SAP130: variants seen among roughly 807,000 people sequenced by gnomAD.
SAP130 encodes Sin3A associated protein 130.
SAP130 carries 16 observed loss-of-function variants against 103.2 expected under a neutral mutation model. That is an observed-to-expected ratio of 0.16 (90% CI 0.10 to 0.24). The LOEUF (loss-of-function observed/expected upper bound fraction) is 0.24, where lower values mean the gene tolerates loss of function less well. Among genes scored for constraint, SAP130 ranks in the 10% least tolerant of loss-of-function variants. The probability of loss-of-function intolerance (pLI) is 1.00; values close to 1 mark genes in which losing one functional copy is unlikely to be tolerated. For missense variants in SAP130, 990 were observed against 1,359.7 expected, an observed-to-expected ratio of 0.73 and a Z score of 4.28; for synonymous variants, 477 against 497.0, an observed-to-expected ratio of 0.96 and a Z score of 0.53.
At position 127,941,716 on chromosome 2, in the gene SAP130, G is replaced by T; in HGVS notation, c.*290C>A. Reference sequence around the variant, plus strand: ...CCGGAAGGCTGAAAAACACCAGCCAGCCATCCTTGTCATTGCTTCCAACTG... The same window carrying T: ...CCGGAAGGCTGAAAAACACCAGCCATCCATCCTTGTCATTGCTTCCAACTG... On this transcript the variant is annotated 3_prime_UTR_variant, in exon 21 of 21. Transcript: ENST00000643581. The T allele has an allele frequency of 5.0e-6, 2 of 402,970 alleles. No homozygotes were observed. The allele number at this position is 402,970 out of a possible 1,614,324, so 25.0% of individuals were successfully genotyped here.
intron 14 of SAP130, among the ~76,000 whole-genome samples, chr2:127,981,531 C>T (rs1315975973): frequency 5.0e-5 from 5 of 99,510 alleles, no homozygotes; most frequent in South Asian, 4.1e-4. Context: ...GACTCAGTTC[C>T]CCCACCCCGA....
intron 15 of SAP130, among the ~76,000 whole-genome samples, chr2:127,958,976 C>T (rs1275233710): frequency 6.6e-6 from 1 of 152,116 alleles, no homozygotes; most frequent in Non-Finnish European, 1.5e-5. Flanking sequence ...AATGATTTCC[C>T]ATCTAAAATT....
intron 4 of SAP130, 117 bp from the exon 5 acceptor site, chr2:128,015,031 G>T: frequency 2.8e-6 from 2 of 716,826 alleles, no homozygotes; most frequent in South Asian, 1.7e-5. Context: ...AGTATCCCAA[G>T]AGAAAGGGCT....
At chr2:128,007,122 C>A (rs879934874) in intron 7 of SAP130, among the ~76,000 whole-genome samples, 1 of 152,200 alleles carries the variant, frequency 6.6e-6, no homozygotes, top group Non-Finnish European at 1.5e-5. Context: ...AAAGCCTACC[C>A]CTAGTTTTCA....
chr2:127,979,956 C>T (rs1050433036), intron 14 of SAP130, among the ~76,000 whole-genome samples: 5 of 151,604 alleles, frequency 3.3e-5, no homozygotes, highest in Non-Finnish European at 7.4e-5. Context: ...CAGCTCACTG[C>T]AATCTCCGCC....
intron 15 of SAP130, among the ~76,000 whole-genome samples, chr2:127,965,635 C>T (rs942582311): frequency 5.3e-5 from 8 of 151,772 alleles, no homozygotes; most frequent in African/African-American, 1.9e-4. Flanking sequence ...ACTAAAAATA[C>T]AAAAATTAGC....
chr2:127,966,786 C>A (rs1680691787), intron 15 of SAP130, among the ~76,000 whole-genome samples: 1 of 152,110 alleles, frequency 6.6e-6, no homozygotes, highest in Admixed American at 6.6e-5. Flanking sequence ...ATTTGTTTAC[C>A]TTTGCTTGAT....
rs1263892683 is a variant in SAP130 at position 128,000,019 on chromosome 2, T to C, written c.1108+37A>G. On this transcript the variant is annotated intron_variant, in intron 9 of 20. Coordinates refer to ENST00000643581, the MANE Select transcript of SAP130 (RefSeq NM_001330301.2). ...TTAACCCATCACTCTTGCCTCCTTT[T>C]TCCCCAGTAGAAGGAAGAGGAGGGT... is the stretch of plus-strand genomic sequence containing the variant. 2.5e-6 allele frequency: 4 copies of C among 1,596,698 alleles called. No homozygotes were observed. The East Asian group carries it at 6.7e-5, about 27-fold the overall frequency.
Position 127,950,004 on chromosome 2 carries a change from A to G in SAP130, c.2672-10T>C. 6.2e-7 allele frequency: 1 copy of G among 1,613,384 alleles called. No individual in the cohort carries two copies. The highest frequency in any genetic ancestry group is 1.7e-5 in the Admixed American group (1 of 59,946). ...CTCACACCTTCCTCATCTGTTAAAG[A>G]GAAGACATTAAACAACTTAGTAACA... is the stretch of plus-strand genomic sequence containing the variant. On this transcript the variant is annotated splice_polypyrimidine_tract_variant and intron_variant, in intron 17 of 20. Coordinates refer to ENST00000643581, the MANE Select transcript of SAP130 (RefSeq NM_001330301.2).
chr2:128,027,426 C>T (rs1685598301), intron 1 of SAP130: 1 of 1,121,572 alleles, frequency 8.9e-7, no homozygotes, highest in African/African-American at 1.6e-5. Flanking sequence ...GACTGCCAGC[C>T]AATCAGGCGC....
intron 15 of SAP130, among the ~76,000 whole-genome samples, chr2:127,965,515 C>T (rs930716877): frequency 6.6e-6 from 1 of 151,136 alleles, no homozygotes; most frequent in Non-Finnish European, 1.5e-5. Flanking sequence ...AGGGAGTGGG[C>T]ATGGTGGCTC....
chr2:128,006,536 A>C (rs1316293804), intron 7 of SAP130, among the ~76,000 whole-genome samples: 1 of 152,160 alleles, frequency 6.6e-6, no homozygotes, highest in East Asian at 1.9e-4. Flanking sequence ...GCACTTTGGG[A>C]GGCTGAGGCA....
At chr2:127,988,589 C>T (rs1239521807) in intron 13 of SAP130, among the ~76,000 whole-genome samples, 1 of 151,946 alleles carries the variant, frequency 6.6e-6, no homozygotes, top group Non-Finnish European at 1.5e-5. Context: ...ATGACTCATG[C>T]TTGTAATCCC....
chr2:127,989,749 A>G lies in SAP130; in HGVS notation c.1595T>C (p.Ile532Thr). ...MTVDASHARH[I>T]QGIQPAPIST... ...GATGGGTGCTGGCTGGATCCCTTGA[A>G]TATGTCGAGCATGCGATGCATCCAC... Residue 532 changes from isoleucine (I) to threonine (T), a missense_variant, in exon 13 of 21, where the codon ATT becomes ACT. Ile to Thr is a moderately conservative substitution (Grantham distance 89). This residue lies in a region of SAP130 where 336 missense variants were observed against 520.1 expected (regional missense o/e 0.65). Transcript: ENST00000643581. The surrounding 1 kb of genome is among the most constrained non-coding windows in gnomAD (Gnocchi z 4.6). 1 of 1,614,178 alleles carries G rather than the reference A, an allele frequency of 6.2e-7. No individual in the cohort carries two copies. Among genetic ancestry groups the G allele is most frequent in the South Asian group, 1.1e-5 (1 of 91,088 alleles).
At chr2:128,010,687 C>A (rs1684328295) in intron 6 of SAP130, among the ~76,000 whole-genome samples, 1 of 151,812 alleles carries the variant, frequency 6.6e-6, no homozygotes, top group South Asian at 2.1e-4. Context: ...ACAGTAAAAC[C>A]CTGTCTTGAC....
At chr2:128,006,761 C>T (rs992734415) in intron 7 of SAP130, among the ~76,000 whole-genome samples, 5 of 152,300 alleles carry the variant, frequency 3.3e-5, no homozygotes, top group Middle Eastern at 3.4e-3. Context: ...ACCTGGCTGG[C>T]GGAGCAAGAC....
chr2:127,942,535 C>A lies in SAP130; in HGVS notation c.2904G>T (p.Thr968=), dbSNP rs199810314. Residue 968 remains threonine (T), a splice_region_variant and synonymous_variant, in exon 20 of 21, where the codon ACG becomes ACT. Coordinates refer to ENST00000643581, the MANE Select transcript of SAP130 (RefSeq NM_001330301.2). The surrounding 1 kb of genome is among the most constrained non-coding windows in gnomAD (Gnocchi z 4.8). The stretch of plus-strand genomic sequence containing the variant: ...TTTCATAGACATCATGTTCTAGATT[C>A]GTCTGCAACACACAAAAGGGAGGGT... ...HLCAAQLLQL[T]NLEHDVYERL... is the part of the protein sequence containing the mutation. 1 of 1,575,618 alleles carries A rather than the reference C, an allele frequency of 6.3e-7. No homozygotes were observed. Among genetic ancestry groups the A allele is most frequent in the East Asian group, 2.2e-5 (1 of 44,716 alleles).
chr2:127,974,475 T>TG (rs56289977), intron 15 of SAP130, among the ~76,000 whole-genome samples: 125,458 of 152,060 alleles, frequency 0.83, 52,303 homozygotes, highest in Middle Eastern at 0.88. Flanking sequence ...CACATAAGGA[T>TG]TTTCAATGAA....
Position 128,000,938 on chromosome 2 carries a change from T to C in SAP130, c.870-484A>G, listed in dbSNP as rs60875086. On this transcript the variant is annotated intron_variant, in intron 7 of 20. Transcript: ENST00000643581. Reference sequence around the variant, plus strand: ...AATAAAATAATTGCACTGAACTCTGTGGATAAATCTGAAAATATACTATAA... The same window carrying C: ...AATAAAATAATTGCACTGAACTCTGCGGATAAATCTGAAAATATACTATAA... Among the ~76,000 whole-genome samples, 1,008 of 152,236 alleles carry C rather than the reference T, an allele frequency of 6.6e-3. 21 individuals are homozygous for C. Among genetic ancestry groups the C allele is most frequent in the African/African-American group, 0.021 (881 of 41,546 alleles).
Sources: allele counts gnomAD v4.1 joint callset (sites outside exome capture counted in the v4.1 genomes callset), GRCh38; gene constraint gnomAD v4.1.1; regional missense constraint gnomAD v4.1.1; non-coding constraint Gnocchi (gnomAD v3.1); transcripts MANE v1.5; gene names NCBI Gene and HGNC (gene_info 2026-07-23, HGNC 2026-07-21).